Variants in ADAMTS12 observed in about 807,000 individuals in gnomAD.
ADAMTS12 encodes the protein ADAM metallopeptidase with thrombospondin type 1 motif 12, also known as A disintegrin and metalloproteinase with thrombospondin motifs 12.
A neutral mutation model predicts 167.8 loss-of-function variants in ADAMTS12; 118 were observed. That is an observed-to-expected ratio of 0.70 (90% CI 0.61 to 0.82). The LOEUF (loss-of-function observed/expected upper bound fraction) is 0.82, where lower values mean the gene tolerates loss of function less well. Ranked by LOEUF, ADAMTS12 falls within the 40% of genes least tolerant of loss-of-function variation. The probability of loss-of-function intolerance (pLI) is 0.00; values close to 1 mark genes in which losing one functional copy is unlikely to be tolerated. For missense variants in ADAMTS12, 1,916 were observed against 1,998.8 expected (o/e 0.96, Z 0.79); for synonymous variants, 704 against 716.9 (o/e 0.98, Z 0.29).
At chr5:33,536,276 C>T (rs1744400922) in intron 22 of ADAMTS12, among the ~76,000 whole-genome samples, 1 of 152,196 alleles carries the variant, frequency 6.6e-6, no homozygotes, top group Non-Finnish European at 1.5e-5. Flanking sequence ...GCTGGGACTA[C>T]AGGCGTGTGC....
intron 3 of ADAMTS12, among the ~76,000 whole-genome samples, chr5:33,731,191 T>C (rs1433087067): frequency 1.1e-4 from 12 of 109,030 alleles, no homozygotes; most frequent in Non-Finnish European, 1.1e-4. Context: ...CTTTCTTTTC[T>C]TTTTTTTTTT....
rs968853053 is a variant in ADAMTS12, at chr5:33,573,605, T to C, written c.3972+2449A>G. On this transcript the variant is annotated intron_variant, in intron 19 of 23. Transcript: ENST00000504830. The stretch of plus-strand genomic sequence containing the variant: ...TATACAAAAATTAATTCAAGATGGA[T>C]TAAAGACTTACATGTTAGACCTAAA... Among the ~76,000 whole-genome samples the C allele has an allele frequency of 4.1e-4, 62 of 152,248 alleles. No individual in the cohort carries two copies. The East Asian group carries it at 0.01, about 26-fold the overall frequency.
chr5:33,620,205 T>C (rs1242305918), intron 14 of ADAMTS12, among the ~76,000 whole-genome samples: 6 of 152,250 alleles, frequency 3.9e-5, no homozygotes, highest in African/African-American at 1.4e-4. Flanking sequence ...CAGACAGCTA[T>C]AGCTGCAGAC....
At chr5:33,691,343 C>T (rs972276334) in intron 3 of ADAMTS12, among the ~76,000 whole-genome samples, 1 of 152,126 alleles carries the variant, frequency 6.6e-6, no homozygotes, top group East Asian at 1.9e-4. Flanking sequence ...TGAAAAAATA[C>T]AACTTTTAGG....
intron 2 of ADAMTS12, among the ~76,000 whole-genome samples, chr5:33,820,344 G>A (rs971210579): frequency 1.3e-5 from 2 of 152,150 alleles, no homozygotes; most frequent in African/African-American, 2.4e-5. Flanking sequence ...TTGTTATCAT[G>A]TTGGAATATG....
At chr5:33,661,835 G>A in intron 6 of ADAMTS12, 81 bp downstream of exon 6, 1 of 1,576,144 alleles carries the variant, frequency 6.3e-7, no homozygotes, top group South Asian at 1.1e-5. Context: ...GAATGTCATG[G>A]GTTTGAACAC....
In ADAMTS12 at chr5:33,881,198, G is replaced by A. The variant is rs879122725; in HGVS notation, c.410C>T (p.Pro137Leu). The change falls in exon 2 of 24, where the codon CCC (proline) becomes CTC (leucine). Residue 137 changes from proline (P) to leucine (L), a missense_variant. Pro to Leu is a moderately conservative substitution (Grantham distance 98). Coordinates refer to ENST00000504830, the MANE Select transcript of ADAMTS12 (RefSeq NM_030955.4). ...SHVKMMASSA[P>L]LCHLSGTVLQ... Reference sequence around the variant, plus strand: ...AACCGTGCCACTGAGATGGCAGAGGGGGGCAGAGGAAGCCATCATCTTAAC... The same window carrying A: ...AACCGTGCCACTGAGATGGCAGAGGAGGGCAGAGGAAGCCATCATCTTAAC... 1.9e-6 allele frequency: 3 copies of A among 1,614,112 alleles called. No individual in the cohort carries two copies. The South Asian group carries it at 3.3e-5, about 18-fold the overall frequency.
chr5:33,666,378 T>C (rs1280743168), intron 5 of ADAMTS12, among the ~76,000 whole-genome samples: 3 of 152,244 alleles, frequency 2.0e-5, no homozygotes, highest in Non-Finnish European at 2.9e-5. Context: ...ATGGCCTGTG[T>C]TCCACAGGAT....
At chr5:33,888,629 T>C (rs1349323956) in intron 1 of ADAMTS12, among the ~76,000 whole-genome samples, 1 of 152,232 alleles carries the variant, frequency 6.6e-6, no homozygotes, top group Non-Finnish European at 1.5e-5. Context: ...TCATCTCTAA[T>C]ATGGAATAAA....
chr5:33,856,325 T>G (rs1487939673), intron 2 of ADAMTS12, among the ~76,000 whole-genome samples: 2 of 152,178 alleles, frequency 1.3e-5, no homozygotes, highest in Non-Finnish European at 2.9e-5. Context: ...GTGTCCTGGG[T>G]GATTGTCATC....
At chr5:33,728,922 A>G (rs950874294) in intron 3 of ADAMTS12, among the ~76,000 whole-genome samples, 5 of 152,270 alleles carry the variant, frequency 3.3e-5, no homozygotes, top group Non-Finnish European at 7.3e-5. Flanking sequence ...GCACATGCAT[A>G]TGTGTATATG....
chr5:33,876,731 G>A (rs1015865655), intron 2 of ADAMTS12, among the ~76,000 whole-genome samples: 1 of 152,152 alleles, frequency 6.6e-6, no homozygotes, highest in African/African-American at 2.4e-5. Flanking sequence ...AATGGGTATA[G>A]CTATAAAAGG....
rs1285626845 is a variant in ADAMTS12, at chr5:33,819,806, T to C, written c.489+61313A>G. On this transcript the variant is annotated intron_variant, in intron 2 of 23. Transcript: ENST00000504830. ...GATGGACTTCCTACCTCAACCTAGA[T>C]GAGAAGGACAAAGAGGCAGTAAAAG... Among the ~76,000 whole-genome samples the C allele has an allele frequency of 3.3e-5, 5 of 151,902 alleles. No homozygotes were observed. In the East Asian group the frequency reaches 9.6e-4, roughly 29 times the overall value.
At chr5:33,635,286 C>G (rs1740138181) in intron 12 of ADAMTS12, among the ~76,000 whole-genome samples, 1 of 152,120 alleles carries the variant, frequency 6.6e-6, no homozygotes. Context: ...GAGCTCCTGG[C>G]TTACGAAATA....
intron 2 of ADAMTS12, among the ~76,000 whole-genome samples, chr5:33,849,320 TATATATATATGTATTGAATAGCA>T (rs1749099819): frequency 2.0e-4 from 15 of 75,746 alleles, no homozygotes; most frequent in South Asian, 1.9e-3. Context: ...ATTGCATAGC[TATATATATATGTATTGAATAGCA>T]ATATATATAT....
At chr5:33,672,529 G>A (rs1561206909) in intron 5 of ADAMTS12, among the ~76,000 whole-genome samples, 1 of 152,196 alleles carries the variant, frequency 6.6e-6, no homozygotes, top group East Asian at 1.9e-4. Flanking sequence ...AGCTCACAGG[G>A]TCCCTGGCAA....
chr5:33,747,664 T>C (rs1220340353), intron 3 of ADAMTS12, among the ~76,000 whole-genome samples: 4 of 152,120 alleles, frequency 2.6e-5, no homozygotes, highest in African/African-American at 9.7e-5. Context: ...TCAAAGGAGA[T>C]TGGATCGAGT....
At chr5:33,740,563 C>T (rs1434049228) in intron 3 of ADAMTS12, among the ~76,000 whole-genome samples, 1 of 152,172 alleles carries the variant, frequency 6.6e-6, no homozygotes, top group Non-Finnish European at 1.5e-5. Flanking sequence ...CCCTGAGTCA[C>T]TTGCCAAATG....
chr5:33,832,156 T>C (rs1748325860), intron 2 of ADAMTS12, among the ~76,000 whole-genome samples: 1 of 152,240 alleles, frequency 6.6e-6, no homozygotes, highest in African/African-American at 2.4e-5. Flanking sequence ...TATCTGCAGT[T>C]TGATTTCCAA....
Sources: gnomAD v4.1 joint callset for allele counts (sites outside exome capture counted in the v4.1 genomes callset) on GRCh38, gnomAD v4.1.1 for gene constraint, MANE v1.5 for transcripts, NCBI Gene and HGNC (gene_info 2026-07-23, HGNC 2026-07-21) for gene names.